Variants in USP10 observed in about 807,000 individuals in gnomAD.
USP10 encodes ubiquitin specific peptidase 10, also known as ubiquitin carboxyl-terminal hydrolase 10.
A neutral mutation model predicts 84.5 loss-of-function variants in USP10; 22 were observed. The observed-to-expected ratio is 0.26, with a 90% CI of 0.19 to 0.37. The LOEUF is 0.37. Among genes scored for constraint, USP10 ranks in the 10% least tolerant of loss-of-function variants. The pLI, the probability that USP10 is intolerant of heterozygous loss-of-function variation, is 1.00. For synonymous variants in USP10, 454 were observed against 387.6 expected, an observed-to-expected ratio of 1.17 and a Z score of -2.01; for missense variants, 1,019 against 998.9, an observed-to-expected ratio of 1.02 and a Z score of -0.27.
intron 11 of USP10, among the ~76,000 whole-genome samples, chr16:84,771,604 C>G (rs940873723): frequency 6.6e-6 from 1 of 152,202 alleles, no homozygotes; most frequent in Non-Finnish European, 1.5e-5. Context: ...CGTGGTGGCT[C>G]ACGCCTGTAA....
At chr16:84,719,585 C>A (rs1278553827) in intron 1 of USP10, among the ~76,000 whole-genome samples, 1 of 152,156 alleles carries the variant, frequency 6.6e-6, no homozygotes, top group Non-Finnish European at 1.5e-5. Flanking sequence ...TGCTCCCCTG[C>A]TAGGTGAGTA....
chr16:84,760,326 G>C lies in USP10; in HGVS notation c.1554+51G>C, dbSNP rs568849458. 4 of 1,486,192 alleles carry C rather than the reference G, an allele frequency of 2.7e-6. No individual in the cohort carries two copies. In the South Asian group the frequency reaches 4.8e-5, roughly 18 times the overall value. The allele number at this position is 1,486,192 out of a possible 1,614,324, so 92.1% of individuals were successfully genotyped here. A position where few individuals can be genotyped will look rare whatever the true frequency, so the allele number is the denominator to read the frequency against. Reference sequence around the variant, plus strand: ...GTATCAAGTGTTGCCTTTTGTTCCAGTGTTTGTGTGGTAACTGTTGCTTAT... The same window carrying C: ...GTATCAAGTGTTGCCTTTTGTTCCACTGTTTGTGTGGTAACTGTTGCTTAT... On this transcript the variant is annotated intron_variant, in intron 8 of 13. Coordinates refer to ENST00000219473, the MANE Select transcript of USP10 (RefSeq NM_005153.3).
In USP10 at chr16:84,763,040, C is replaced by A. The variant is rs1401597967; in HGVS notation, c.1606C>A (p.His536Asn). 6.2e-7 allele frequency: 1 copy of A among 1,612,712 alleles called. No homozygotes were observed. Among genetic ancestry groups the A allele is most frequent in the Admixed American group, 1.7e-5 (1 of 59,928 alleles). The change falls in exon 9 of 14, where the codon CAT becomes AAT. Residue 536 changes from histidine (H) to asparagine (N), a missense_variant. By Grantham distance (68) the His-to-Asn change is moderately conservative. Transcript: ENST00000219473. ...CTTAGGCTTCATTCTAAATGGACTT[C>A]ATGAGGAAATGTTGAACCTAAAGAA... ...EYLGFILNGL[H>N]EEMLNLKKLL...
At chr16:84,747,463 A>T (rs1173633008) in intron 4 of USP10, among the ~76,000 whole-genome samples, 1 of 150,530 alleles carries the variant, frequency 6.6e-6, no homozygotes, top group East Asian at 1.9e-4. Context: ...TATCTCAGGT[A>T]CTCTTGTTGT....
At chr16:84,764,357 C>G in intron 10 of USP10, 94 bp downstream of exon 10, 3 of 1,523,904 alleles carry the variant, frequency 2.0e-6, no homozygotes, top group Non-Finnish European at 9.0e-7. Flanking sequence ...TTTGAGACTT[C>G]TTGGACGTAA....
At position 84,722,840 on chromosome 16, in the gene USP10, G is replaced by A. The variant is rs183946513; in HGVS notation, c.22-10595G>A. ...CAAAGTGCTGGGATTACAGGTGTGA[G>A]CCACTGCGTCCGGCTCAGTCGTCTT... On this transcript the variant is annotated intron_variant, in intron 1 of 13. Coordinates refer to ENST00000219473, the MANE Select transcript of USP10 (RefSeq NM_005153.3). Among the ~76,000 whole-genome samples the A allele has an allele frequency of 1.1e-3, 162 of 152,296 alleles. 1 individual carries two copies. Among genetic ancestry groups the A allele is most frequent in the Non-Finnish European group, 1.9e-3 (126 of 68,022 alleles).
At chr16:84,771,983 C>G (rs994904417) in intron 11 of USP10, among the ~76,000 whole-genome samples, 4 of 152,150 alleles carry the variant, frequency 2.6e-5, no homozygotes, top group African/African-American at 9.7e-5. Context: ...TTTGAGTTTA[C>G]GACTGGACTT....
chr16:84,762,809 C>G (rs1913363288), intron 8 of USP10, among the ~76,000 whole-genome samples, 180 bp from the exon 9 acceptor site: 1 of 152,168 alleles, frequency 6.6e-6, no homozygotes, highest in Non-Finnish European at 1.5e-5. Context: ...TTCTCCTTTT[C>G]CTCCTACTCT....
chr16:84,774,066 G>A (rs1406928040), intron 12 of USP10, among the ~76,000 whole-genome samples: 1 of 151,952 alleles, frequency 6.6e-6, no homozygotes, highest in East Asian at 1.9e-4. Context: ...CCTGACCAAC[G>A]TGGTGAAACC....
intron 12 of USP10, among the ~76,000 whole-genome samples, chr16:84,774,333 C>T (rs989914329): frequency 6.6e-6 from 1 of 152,168 alleles, no homozygotes; most frequent in East Asian, 1.9e-4. Flanking sequence ...GAACAGCATG[C>T]CTCCGACGGA....
At chr16:84,749,088 G>T (rs186413462) in intron 4 of USP10, among the ~76,000 whole-genome samples, 1 of 143,368 alleles carries the variant, frequency 7.0e-6, no homozygotes, top group Admixed American at 6.7e-5. Context: ...TCGTGAGATA[G>T]TAGAGCAATA....
chr16:84,745,480 C>G lies in USP10; in HGVS notation c.999C>G (p.Thr333=). Residue 333 remains threonine (T), a synonymous_variant, in exon 4 of 14, where the codon ACC becomes ACG. Transcript: ENST00000219473. ...ACGGCACGGGCTCTGCATCAGGCAC[C>G]CTTCCTGTCAGCCAGCCCAAGTCCT... ...PADGTGSASG[T]LPVSQPKSWA... is the part of the protein sequence containing the mutation. The G allele has an allele frequency of 6.2e-7, 1 of 1,613,596 alleles. No individual in the cohort carries two copies. The highest frequency in any genetic ancestry group is 8.5e-7 in the Non-Finnish European group (1 of 1,179,636).
At chr16:84,739,113 C>T (rs573387147) in intron 2 of USP10, among the ~76,000 whole-genome samples, 1 of 150,516 alleles carries the variant, frequency 6.6e-6, no homozygotes, top group East Asian at 2.0e-4. Context: ...GGCTGGAGTG[C>T]AGTGGCACTA....
chr16:84,748,850 G>A (rs1316359331), intron 4 of USP10, among the ~76,000 whole-genome samples: 1 of 152,186 alleles, frequency 6.6e-6, no homozygotes, highest in Non-Finnish European at 1.5e-5. Flanking sequence ...ATGACTGGTA[G>A]TAGAGGAAAG....
chr16:84,706,281 C>G (rs908138792), intron 1 of USP10, among the ~76,000 whole-genome samples: 5 of 151,996 alleles, frequency 3.3e-5, no homozygotes, highest in Admixed American at 6.6e-5. Context: ...AAGTTCAATT[C>G]TAGAGGTTTT....
intron 1 of USP10, among the ~76,000 whole-genome samples, chr16:84,715,888 T>C (rs1906950244): frequency 6.6e-6 from 1 of 152,254 alleles, no homozygotes; most frequent in African/African-American, 2.4e-5. Flanking sequence ...GATGGCGGAA[T>C]GGCCACAGCA....
At chr16:84,723,923 C>T (rs947612196) in intron 1 of USP10, among the ~76,000 whole-genome samples, 1 of 152,200 alleles carries the variant, frequency 6.6e-6, no homozygotes, top group Non-Finnish European at 1.5e-5. Context: ...AGAACTGCTT[C>T]TGTTACAGTT....
rs373349766 is a variant in USP10 at position 84,745,696 on chromosome 16, C to G, written c.1192+23C>G. 3.2e-6 allele frequency: 5 copies of G among 1,583,924 alleles called. No homozygotes were observed. The African/African-American group carries it at 5.4e-5, about 17-fold the overall frequency. On this transcript the variant is annotated intron_variant, in intron 4 of 13. Transcript: ENST00000219473. The stretch of plus-strand genomic sequence containing the variant: ...CAGGTATAGTTGAAAAGATACAAAT[C>G]TAGAGTGAAGATGGGAGCAGACCTC...
intron 1 of USP10, among the ~76,000 whole-genome samples, chr16:84,724,728 T>C (rs1280113414): frequency 6.6e-6 from 1 of 152,206 alleles, no homozygotes; most frequent in Non-Finnish European, 1.5e-5. Flanking sequence ...CCCTGACCCC[T>C]GTGTGTGTTG....
Sources: gnomAD v4.1 joint callset for allele counts (sites outside exome capture counted in the v4.1 genomes callset) on GRCh38, gnomAD v4.1.1 for gene constraint, MANE v1.5 for transcripts, NCBI Gene and HGNC (gene_info 2026-07-23, HGNC 2026-07-21) for gene names.